SLC24A3: variants seen among roughly 807,000 people sequenced by gnomAD.
The protein encoded by SLC24A3 is solute carrier family 24 member 3, also known as sodium/potassium/calcium exchanger 3.
SLC24A3 carries 28 observed loss-of-function variants against 75.8 expected under a neutral mutation model. That is an observed-to-expected ratio of 0.37 (90% confidence interval 0.27 to 0.51). The LOEUF (loss-of-function observed/expected upper bound fraction) is 0.51, where lower values mean the gene tolerates loss of function less well. SLC24A3 is among the 20% of genes least tolerant of loss of function. SLC24A3 has a pLI of 0.94. For synonymous variants in SLC24A3, 372 were observed against 334.1 expected (o/e 1.11, Z -1.24); for missense variants, 663 against 847.8 (o/e 0.78, Z 2.71).
chr20:19,591,731 C>G (rs949743944), intron 6 of SLC24A3, among the ~76,000 whole-genome samples: 5 of 152,284 alleles, frequency 3.3e-5, no homozygotes, highest in South Asian at 4.2e-4. Flanking sequence ...TAATCAAGAA[C>G]CACATACCCA....
At chr20:19,521,975 A>G (rs998501206) in intron 3 of SLC24A3, among the ~76,000 whole-genome samples, 1 of 150,978 alleles carries the variant, frequency 6.6e-6, no homozygotes, top group African/African-American at 2.4e-5. Flanking sequence ...TGGCCCTAAG[A>G]CTCAACTCTC....
At chr20:19,295,730 G>A (rs1984041981) in intron 2 of SLC24A3, among the ~76,000 whole-genome samples, 1 of 152,054 alleles carries the variant, frequency 6.6e-6, no homozygotes, top group Admixed American at 6.6e-5. Context: ...TAAACTTTTT[G>A]ATGTGCTGCT....
At chr20:19,394,833 G>A (rs1405144679) in intron 2 of SLC24A3, among the ~76,000 whole-genome samples, 1 of 152,154 alleles carries the variant, frequency 6.6e-6, no homozygotes, top group Non-Finnish European at 1.5e-5. Flanking sequence ...ATTAAAAGTA[G>A]AATTGCCATA....
intron 2 of SLC24A3, among the ~76,000 whole-genome samples, chr20:19,485,774 G>A (rs546279000): frequency 6.6e-6 from 1 of 152,196 alleles, no homozygotes; most frequent in Admixed American, 6.5e-5. Flanking sequence ...AAACACACCT[G>A]CTCCAAGGAT....
intron 3 of SLC24A3, among the ~76,000 whole-genome samples, chr20:19,569,424 C>A (rs2031013965): frequency 6.6e-6 from 1 of 152,178 alleles, no homozygotes; most frequent in South Asian, 2.1e-4. Flanking sequence ...CCTTCCACTC[C>A]TGTGGCCCTC....
At chr20:19,318,350 G>A (rs1326981553) in intron 2 of SLC24A3, among the ~76,000 whole-genome samples, 3 of 152,162 alleles carry the variant, frequency 2.0e-5, no homozygotes, top group African/African-American at 7.2e-5. Flanking sequence ...TTGTAGGTGG[G>A]CGATGGTAGA....
At chr20:19,517,456 A>G (rs143562771) in intron 3 of SLC24A3, among the ~76,000 whole-genome samples, 1 of 152,150 alleles carries the variant, frequency 6.6e-6, no homozygotes, top group South Asian at 2.1e-4. Flanking sequence ...GATACCCAGG[A>G]AGGTTTCTGG....
intron 2 of SLC24A3, among the ~76,000 whole-genome samples, chr20:19,455,159 A>C (rs1457453086): frequency 6.6e-6 from 1 of 152,246 alleles, no homozygotes; most frequent in African/African-American, 2.4e-5. Context: ...TCGGAGGAGG[A>C]GAACAGATCC....
chr20:19,363,961 T>A (rs1985839976), intron 2 of SLC24A3, among the ~76,000 whole-genome samples: 1 of 151,956 alleles, frequency 6.6e-6, no homozygotes. Flanking sequence ...GGGCTTGATG[T>A]CAGATGATTG....
At chr20:19,400,693 C>G (rs73128605) in intron 2 of SLC24A3, among the ~76,000 whole-genome samples, 3,756 of 152,224 alleles carry the variant, frequency 0.025, 71 homozygotes, top group Non-Finnish European at 0.034. Flanking sequence ...TCAACTGCAT[C>G]TCCCCAGTTC....
chr20:19,432,720 T>A (rs936654151), intron 2 of SLC24A3, among the ~76,000 whole-genome samples: 2 of 152,220 alleles, frequency 1.3e-5, no homozygotes, highest in African/African-American at 4.8e-5. Flanking sequence ...AATGCTTTGC[T>A]TGCTCTTTAT....
intron 2 of SLC24A3, among the ~76,000 whole-genome samples, chr20:19,320,124 A>G (rs1431089891): frequency 6.6e-6 from 1 of 152,204 alleles, no homozygotes; most frequent in Non-Finnish European, 1.5e-5. Flanking sequence ...GTGTTTAAAT[A>G]AAAGCTGAGC....
chr20:19,716,930 C>A (rs1201741239), intron 15 of SLC24A3, among the ~76,000 whole-genome samples: 1 of 152,108 alleles, frequency 6.6e-6, no homozygotes, highest in Admixed American at 6.6e-5. Flanking sequence ...TGGCTGTTAT[C>A]CCCATTCTGC....
chr20:19,384,624 T>C (rs1429305889), intron 2 of SLC24A3, among the ~76,000 whole-genome samples: 1 of 152,240 alleles, frequency 6.6e-6, no homozygotes, highest in Non-Finnish European at 1.5e-5. Flanking sequence ...CTATTGTGAA[T>C]ACTGCTGCAA....
chr20:19,286,600 A>G (rs1983825145), intron 2 of SLC24A3, among the ~76,000 whole-genome samples: 2 of 152,200 alleles, frequency 1.3e-5, no homozygotes, highest in Non-Finnish European at 2.9e-5. Context: ...GTCAGAAGTA[A>G]CATAGGGCCA....
chr20:19,541,435 C>T (rs1272622674), intron 3 of SLC24A3, among the ~76,000 whole-genome samples: 1 of 152,192 alleles, frequency 6.6e-6, no homozygotes, highest in Non-Finnish European at 1.5e-5. Context: ...TCCTGCAAGC[C>T]CTCTGTATTA....
chr20:19,290,661 G>A (rs1448444025), intron 2 of SLC24A3, among the ~76,000 whole-genome samples: 1 of 152,156 alleles, frequency 6.6e-6, no homozygotes, highest in East Asian at 1.9e-4. Flanking sequence ...AGTCTATGGT[G>A]TTCTATTATA....
chr20:19,448,762 A>C (rs989765269), intron 2 of SLC24A3, among the ~76,000 whole-genome samples: 1 of 152,224 alleles, frequency 6.6e-6, no homozygotes, highest in Non-Finnish European at 1.5e-5. Context: ...CACTTGTGCC[A>C]GTCTTCCCAG....
intron 2 of SLC24A3, among the ~76,000 whole-genome samples, chr20:19,437,643 G>C (rs528979136): frequency 6.6e-6 from 1 of 152,122 alleles, no homozygotes; most frequent in African/African-American, 2.4e-5. Context: ...TGACCCAAAC[G>C]GCCAGGACAG....
Sources: allele counts gnomAD v4.1 joint callset (sites outside exome capture counted in the v4.1 genomes callset), GRCh38; gene constraint gnomAD v4.1.1; transcripts MANE v1.5; gene names NCBI Gene and HGNC (gene_info 2026-07-23, HGNC 2026-07-21).